AGBL1: variants seen among roughly 807,000 people sequenced by gnomAD.
AGBL1 encodes the protein cytosolic carboxypeptidase 4.
AGBL1 carries 130 observed loss-of-function variants against 118.9 expected under a neutral mutation model. That is an observed-to-expected ratio of 1.09 (90% CI 0.95 to 1.26). AGBL1 has a LOEUF of 1.26. Ranked by LOEUF, AGBL1 falls within the 50% of genes most tolerant of loss-of-function variation. The probability of loss-of-function intolerance (pLI) is 0.00; values close to 1 mark genes in which losing one functional copy is unlikely to be tolerated. For missense variants in AGBL1, 1,584 were observed against 1,298.1 expected, an observed-to-expected ratio of 1.22 and a Z score of -3.38; for synonymous variants, 555 against 478.9, an observed-to-expected ratio of 1.16 and a Z score of -2.08.
chr15:86,865,995 A>G (rs1463415860), intron 22 of AGBL1, among the ~76,000 whole-genome samples: 2 of 152,148 alleles, frequency 1.3e-5, no homozygotes, highest in Non-Finnish European at 2.9e-5. Context: ...TTTCATTATC[A>G]TTCTAACATC....
At chr15:86,242,961 G>A (rs1423236326) in intron 6 of AGBL1, among the ~76,000 whole-genome samples, 1 of 152,140 alleles carries the variant, frequency 6.6e-6, no homozygotes, top group Non-Finnish European at 1.5e-5. Flanking sequence ...TATAAAGATG[G>A]TTGGGATCTC....
rs201435479 is a variant in AGBL1, at chr15:86,743,161, AT to A, written c.3158+68732del. 5.1e-3 allele frequency among the ~76,000 whole-genome samples: 773 copies of A among 152,198 alleles called. 8 individuals carry two copies. The highest frequency in any genetic ancestry group is 0.017 in the African/African-American group (724 of 41,542). On this transcript the variant is annotated intron_variant, in intron 22 of 22. Transcript: ENST00000614907. ...CAAGTTATATTTTTCTTTAAAAAGTATTTTTTTAAATTATTTATTTCGATAG... is the reference window on the plus strand; with the variant it reads ...CAAGTTATATTTTTCTTTAAAAAGTATTTTTTAAATTATTTATTTCGATAG...
intron 17 of AGBL1, among the ~76,000 whole-genome samples, chr15:86,396,963 A>G (rs1247614012): frequency 6.6e-6 from 1 of 152,142 alleles, no homozygotes; most frequent in Admixed American, 6.6e-5. Flanking sequence ...TTTTCATACC[A>G]TCAAATAGTT....
At chr15:86,674,469 G>A (rs1453824217) in intron 22 of AGBL1, 33 bp downstream of exon 22, 3 of 1,582,172 alleles carry the variant, frequency 1.9e-6, no homozygotes, top group Non-Finnish European at 2.6e-6. Context: ...GAGAAATTTG[G>A]ACCTTGGTGG....
intron 18 of AGBL1, among the ~76,000 whole-genome samples, chr15:86,520,648 G>A (rs1046182753): frequency 6.6e-6 from 1 of 152,146 alleles, no homozygotes; most frequent in Non-Finnish European, 1.5e-5. Context: ...ATGTATGCTT[G>A]CATTTTCATT....
intron 17 of AGBL1, among the ~76,000 whole-genome samples, chr15:86,364,966 T>C (rs1296521601): frequency 3.6e-4 from 24 of 66,950 alleles, no homozygotes; most frequent in African/African-American, 6.2e-4. Flanking sequence ...CACATATATA[T>C]ATATATATAT....
chr15:86,301,489 G>A (rs1162126469), intron 17 of AGBL1, among the ~76,000 whole-genome samples: 3 of 151,774 alleles, frequency 2.0e-5, no homozygotes, highest in Admixed American at 2.0e-4. Flanking sequence ...TCTCTCCATG[G>A]AAATCTTTAA....
At chr15:86,949,351 C>T (rs951541494) in intron 23 of AGBL1, among the ~76,000 whole-genome samples, 1 of 152,072 alleles carries the variant, frequency 6.6e-6, no homozygotes. Context: ...AAAGAAGAAA[C>T]TGTAGCGAGG....
At chr15:86,772,752 ATGT>A (rs1162993855) in intron 22 of AGBL1, among the ~76,000 whole-genome samples, 4 of 152,058 alleles carry the variant, frequency 2.6e-5, no homozygotes, top group African/African-American at 9.7e-5. Flanking sequence ...ATGTTTGAAG[ATGT>A]TGTAATCAGC....
chr15:86,845,441 G>C (rs575024460), intron 22 of AGBL1, among the ~76,000 whole-genome samples: 1 of 152,098 alleles, frequency 6.6e-6, no homozygotes, highest in South Asian at 2.1e-4. Flanking sequence ...TGCATTCTTA[G>C]GATAAATCTC....
intron 22 of AGBL1, among the ~76,000 whole-genome samples, chr15:86,827,092 C>G (rs1256874787): frequency 6.6e-6 from 1 of 150,498 alleles, no homozygotes; most frequent in Non-Finnish European, 1.5e-5. Flanking sequence ...CCAAAGGGCC[C>G]TGTGCTAGGA....
chr15:86,892,378 C>T (rs368577517), intron 22 of AGBL1, among the ~76,000 whole-genome samples: 12 of 152,188 alleles, frequency 7.9e-5, no homozygotes, highest in African/African-American at 2.4e-4. Flanking sequence ...TTCATGACTT[C>T]GATTGGGGCT....
intron 24 of AGBL1, among the ~76,000 whole-genome samples, chr15:87,018,582 G>A (rs2081631038): frequency 6.6e-6 from 1 of 152,092 alleles, no homozygotes; most frequent in African/African-American, 2.4e-5. Context: ...ATTACCACCA[G>A]ACCTGCCTTG....
At chr15:86,235,695 A>C (rs1235736615) in intron 6 of AGBL1, among the ~76,000 whole-genome samples, 3 of 152,212 alleles carry the variant, frequency 2.0e-5, no homozygotes, top group Non-Finnish European at 2.9e-5. Flanking sequence ...AATCTCATTT[A>C]ATCTTCACCA....
chr15:86,160,099 G>GGT (rs2077245751), intron 5 of AGBL1, among the ~76,000 whole-genome samples: 1 of 110,274 alleles, frequency 9.1e-6, no homozygotes, highest in Non-Finnish European at 1.8e-5. Context: ...GGGAACTGTG[G>GGT]TTTTTTTTTT....
chr15:86,298,728 C>A (rs1018798590), intron 17 of AGBL1, among the ~76,000 whole-genome samples: 5 of 152,060 alleles, frequency 3.3e-5, no homozygotes, highest in Non-Finnish European at 7.4e-5. Flanking sequence ...TGTCACTCAC[C>A]CCTCATAAGG....
In AGBL1 at chr15:86,249,191, C is replaced by T. The variant is rs985091692; in HGVS notation, c.735+1312C>T. ...TCTGCTCACCCACCTTCTCCTGGGG[C>T]CAAGGCAGCCATGTTGCACACACAT... On this transcript the variant is annotated intron_variant, in intron 7 of 22. Coordinates refer to ENST00000614907, the MANE Select transcript of AGBL1 (RefSeq NM_001386094.1). 7.9e-5 allele frequency among the ~76,000 whole-genome samples: 12 copies of T among 152,100 alleles called. 1 individual carries two copies. Among genetic ancestry groups the T allele is most frequent in the Admixed American group, 6.5e-4 (10 of 15,272 alleles).
chr15:86,185,457 G>A (rs1207935742), intron 5 of AGBL1, among the ~76,000 whole-genome samples: 3 of 152,124 alleles, frequency 2.0e-5, no homozygotes, highest in Non-Finnish European at 4.4e-5. Context: ...ACATGCACAC[G>A]TATGTTTATT....
At chr15:86,112,046 T>C (rs931509682) in intron 1 of AGBL1, among the ~76,000 whole-genome samples, 4 of 152,178 alleles carry the variant, frequency 2.6e-5, no homozygotes, top group African/African-American at 7.2e-5. Context: ...CAGATGGAGA[T>C]GTCTAGTTGC....
Sources: allele counts gnomAD v4.1 joint callset (sites outside exome capture counted in the v4.1 genomes callset), GRCh38; gene constraint gnomAD v4.1.1; transcripts MANE v1.5; gene names NCBI Gene and HGNC (gene_info 2026-07-23, HGNC 2026-07-21).